MRAP2: variants seen among roughly 807,000 people sequenced by gnomAD.
MRAP2 encodes melanocortin 2 receptor accessory protein 2.
A neutral mutation model predicts 17.4 loss-of-function variants in MRAP2; 20 were observed. The ratio of observed to expected loss-of-function variants is 1.15; its 90% CI spans 0.81 to 1.67. The LOEUF (loss-of-function observed/expected upper bound fraction) is 1.67. MRAP2 is among the 40% of genes most tolerant of loss of function. MRAP2 has a pLI of 0.00. For missense variants in MRAP2, 238 were observed against 240.0 expected, an observed-to-expected ratio of 0.99 and a Z score of 0.05; for synonymous variants, 96 against 88.4, an observed-to-expected ratio of 1.09 and a Z score of -0.48.
the MRAP2 span, chr6:84,125,316 A>G: frequency 3.7e-4 from 575 of 1,551,448 alleles, 1 homozygote; most frequent in African/African-American, 7.0e-3. Context: ...TATAGTTCAT[A>G]GTGGTGGGTG....
chr6:84,043,319 TC>T lies in MRAP2; in HGVS notation c.-8+9437del, dbSNP rs374893749. ...TCTTTGGGGAGTCTGATGTATACTT[TC>T]TTGCTACTAAAATGAGAGATTCAGA... On this transcript the variant is annotated intron_variant, in intron 1 of 3. Transcript: ENST00000257776. Among the ~76,000 whole-genome samples the T allele has an allele frequency of 1.5e-4, 23 of 152,320 alleles. No homozygotes were observed. The South Asian group carries it at 4.1e-3, about 27-fold the overall frequency.
chr6:84,054,141 C>T (rs1004260847), intron 1 of MRAP2, among the ~76,000 whole-genome samples: 2 of 152,102 alleles, frequency 1.3e-5, no homozygotes, highest in African/African-American at 4.8e-5. Context: ...TCTTTGTTAC[C>T]GCTGACATTT....
chr6:84,124,813 G>A, the MRAP2 span: 4 of 453,784 alleles, frequency 8.8e-6, no homozygotes, highest in Non-Finnish European at 1.5e-5. Context: ...TAGCATACAA[G>A]TGAGCCCTTC....
chr6:84,094,779 C>A (rs2099502381), downstream of MRAP2, among the ~76,000 whole-genome samples: 1 of 152,026 alleles, frequency 6.6e-6, no homozygotes, highest in Non-Finnish European at 1.5e-5. Context: ...GCAACCCCCG[C>A]CTCCTGGGTT....
intron 1 of MRAP2, among the ~76,000 whole-genome samples, chr6:84,046,948 GT>G (rs1004041527): frequency 2.8e-4 from 42 of 151,872 alleles, no homozygotes; most frequent in Non-Finnish European, 5.7e-4. Flanking sequence ...CTTAGAGGGA[GT>G]GTTCCTTTTA....
At chr6:84,069,458 G>A (rs753026375) in intron 3 of MRAP2, among the ~76,000 whole-genome samples, 5 of 152,026 alleles carry the variant, frequency 3.3e-5, no homozygotes, top group Non-Finnish European at 7.4e-5. Flanking sequence ...TGATCATGGT[G>A]GATTACCTTT....
At chr6:84,141,039 C>T in the MRAP2 span, among the ~76,000 whole-genome samples, 1 of 152,226 alleles carries the variant, frequency 6.6e-6, no homozygotes, top group African/African-American at 2.4e-5. Context: ...ATTGGGTTCA[C>T]GCTCCTATGA....
the MRAP2 span, among the ~76,000 whole-genome samples, chr6:84,123,065 A>T: frequency 2.0e-5 from 3 of 152,050 alleles, no homozygotes; most frequent in Admixed American, 6.6e-5. Flanking sequence ...AGCACAGAAG[A>T]AACTGCAGAT....
At chr6:84,036,712 C>G (rs1180248952) in intron 1 of MRAP2, among the ~76,000 whole-genome samples, 2 of 152,152 alleles carry the variant, frequency 1.3e-5, no homozygotes, top group African/African-American at 2.4e-5. Flanking sequence ...TGCTTTTATT[C>G]CTTTATCTGA....
chr6:84,043,251 C>G (rs911655401), intron 1 of MRAP2, among the ~76,000 whole-genome samples: 1 of 152,174 alleles, frequency 6.6e-6, no homozygotes, highest in African/African-American at 2.4e-5. Context: ...AGAATAGCAG[C>G]TATATAAAAC....
intron 3 of MRAP2, 86 bp from the exon 4 acceptor site, chr6:84,089,005 T>A: frequency 1.4e-6 from 2 of 1,457,536 alleles, no homozygotes; most frequent in African/African-American, 2.8e-5. Context: ...GGAAATGTGC[T>A]GGCCTGCCCT....
In MRAP2 at chr6:84,055,314, C is replaced by T. The variant is rs147611875; in HGVS notation, c.-5C>T. 3.0e-5 allele frequency: 49 copies of T among 1,611,898 alleles called. No individual in the cohort carries two copies. Among genetic ancestry groups the T allele is most frequent in the African/African-American group, 1.9e-4 (14 of 74,812 alleles). Reference sequence around the variant, plus strand: ...CTTGACTTTCTCCATTTGTGCAGGTCGGAGATGTCCGCCCAGAGGTTAATT... The same window carrying T: ...CTTGACTTTCTCCATTTGTGCAGGTTGGAGATGTCCGCCCAGAGGTTAATT... On this transcript the variant is annotated splice_region_variant and 5_prime_UTR_variant, in exon 2 of 4. Transcript: ENST00000257776.
chr6:84,065,009 G>A (rs781141009), intron 3 of MRAP2, among the ~76,000 whole-genome samples: 1 of 152,170 alleles, frequency 6.6e-6, no homozygotes, highest in African/African-American at 2.4e-5. Flanking sequence ...ACACAGCCAG[G>A]CACGGTGGCT....
chr6:84,111,515 G>A, the MRAP2 span, among the ~76,000 whole-genome samples: 1 of 152,144 alleles, frequency 6.6e-6, no homozygotes, highest in Non-Finnish European at 1.5e-5. Context: ...TGAGACAATG[G>A]GGTTTTCTAA....
chr6:84,037,383 C>T (rs1429269494), intron 1 of MRAP2, among the ~76,000 whole-genome samples: 3 of 152,268 alleles, frequency 2.0e-5, no homozygotes, highest in African/African-American at 7.2e-5. Flanking sequence ...TTCTCCAAGT[C>T]CCCACCTGAT....
chr6:84,129,332 TCC>T, the MRAP2 span, among the ~76,000 whole-genome samples: 1 of 152,214 alleles, frequency 6.6e-6, no homozygotes, highest in African/African-American at 2.4e-5. Flanking sequence ...TTCCTATTTC[TCC>T]GCATCCTCTC....
intron 1 of MRAP2, among the ~76,000 whole-genome samples, chr6:84,042,011 C>T (rs936744884): frequency 6.6e-6 from 1 of 152,186 alleles, no homozygotes; most frequent in Non-Finnish European, 1.5e-5. Flanking sequence ...CCACCCGTCT[C>T]ATCTTGAACT....
intron 3 of MRAP2, among the ~76,000 whole-genome samples, chr6:84,085,005 T>G (rs1338857573): frequency 2.6e-5 from 4 of 151,414 alleles, no homozygotes; most frequent in African/African-American, 9.7e-5. Flanking sequence ...CCTGCAGGTT[T>G]GTTATATATG....
At chr6:84,131,676 TTTTG>T in the MRAP2 span, among the ~76,000 whole-genome samples, 1 of 127,444 alleles carries the variant, frequency 7.8e-6, no homozygotes, top group Admixed American at 8.1e-5. Flanking sequence ...TTTTTTTTTG[TTTTG>T]TTTTCCATTT....
Sources: gnomAD v4.1 joint callset for allele counts (sites outside exome capture counted in the v4.1 genomes callset) on GRCh38, gnomAD v4.1.1 for gene constraint, MANE v1.5 for transcripts, NCBI Gene and HGNC (gene_info 2026-07-23, HGNC 2026-07-21) for gene names.